HMCN2: variants seen among roughly 807,000 people sequenced by gnomAD.
HMCN2 encodes hemicentin 2.
Under a neutral mutation model 377.5 loss-of-function variants are expected in HMCN2, and 325 were observed. The ratio of observed to expected loss-of-function variants is 0.86; its 90% confidence interval spans 0.79 to 0.94. HMCN2 has a LOEUF of 0.94. HMCN2 is among the 40% of genes least tolerant of loss of function. The pLI is 0.00. For missense variants in HMCN2, 4,543 were observed against 4,725.3 expected (o/e 0.96, Z 1.13); for synonymous variants, 2,007 against 2,046.8 (o/e 0.98, Z 0.53).
intron 1 of HMCN2, among the ~76,000 whole-genome samples, chr9:130,281,196 C>A (rs1013884261): frequency 6.6e-6 from 1 of 151,886 alleles, no homozygotes; most frequent in Non-Finnish European, 1.5e-5. Context: ...TCCCTGAGAG[C>A]AGGAGTTAAG....
chr9:130,429,403 G>A (rs1018642325), intron 93 of HMCN2, 154 bp from the exon 94 acceptor site: 7 of 858,066 alleles, frequency 8.2e-6, no homozygotes, highest in African/African-American at 3.4e-5. Context: ...TATAACTGGG[G>A]GAGGTGCTGT....
chr9:130,378,602 A>T (rs1588348297), intron 53 of HMCN2, among the ~76,000 whole-genome samples: 1 of 148,252 alleles, frequency 6.7e-6, no homozygotes, highest in African/African-American at 2.5e-5. Context: ...GGAGGCGGGG[A>T]GGCAGGGAGG....
chr9:130,381,242 C>T (rs759897540), intron 54 of HMCN2, among the ~76,000 whole-genome samples: 7 of 152,170 alleles, frequency 4.6e-5, no homozygotes, highest in Non-Finnish European at 1.0e-4. Context: ...AGGCTCTTAA[C>T]CTGGTCAAGC....
chr9:130,346,525 A>G (rs913518368), intron 25 of HMCN2, among the ~76,000 whole-genome samples: 2 of 151,518 alleles, frequency 1.3e-5, no homozygotes, highest in African/African-American at 2.4e-5. Flanking sequence ...TGGCTGGCAA[A>G]GTGACTGACC....
rs566652504 is a variant in HMCN2, at chr9:130,350,473, C to T, written c.4430+810C>T. On this transcript the variant is annotated intron_variant, in intron 29 of 97. Coordinates refer to ENST00000683500, the MANE Select transcript of HMCN2 (RefSeq NM_001291815.2). ...TTGGGAGGCTGAGGCAAGAGAATCA[C>T]TTGAACCTAGGAGGTGGAGGTTGCA... 1.8e-3 allele frequency among the ~76,000 whole-genome samples: 267 copies of T among 150,620 alleles called. 1 individual carries two copies. Among genetic ancestry groups the T allele is most frequent in the South Asian group, 5.1e-3 (24 of 4,680 alleles).
Position 130,427,513 on chromosome 9 carries a change from A to G in HMCN2, c.13959A>G (p.Ser4653=), listed in dbSNP as rs558518022. ...GAFCVDRDEC[S]GGPSPCSHAC... ...CTGCCCCAGACAGGGACGAGTGCTC[A>G]GGAGGCCCTAGCCCCTGCTCCCATG... The change falls in exon 92 of 98, where the codon TCA becomes TCG. Residue 4653 remains serine, a synonymous_variant. Transcript: ENST00000683500. 5.7e-5 allele frequency: 88 copies of G among 1,550,460 alleles called. 1 individual carries two copies. In the African/African-American group the frequency reaches 1.1e-3, roughly 20 times the overall value.
chr9:130,356,901 G>T (rs1001672483), intron 34 of HMCN2, among the ~76,000 whole-genome samples: 1 of 152,172 alleles, frequency 6.6e-6, no homozygotes, highest in Non-Finnish European at 1.5e-5. Flanking sequence ...TCAGTGGGTG[G>T]GTGGATGGAT....
At chr9:130,363,883 A>C (rs1438755075) in intron 40 of HMCN2, among the ~76,000 whole-genome samples, 3 of 144,526 alleles carry the variant, frequency 2.1e-5, no homozygotes, top group Admixed American at 7.1e-5. Flanking sequence ...GAAGGAAAGA[A>C]GGAAGGAAGG....
intron 1 of HMCN2, among the ~76,000 whole-genome samples, chr9:130,280,946 A>G (rs1464168177): frequency 4.6e-5 from 7 of 151,992 alleles, no homozygotes; most frequent in African/African-American, 1.7e-4. Context: ...TCTACTAAAA[A>G]TACAAAATTA....
chr9:130,355,347 G>A (rs1839969772), intron 32 of HMCN2, among the ~76,000 whole-genome samples: 1 of 152,184 alleles, frequency 6.6e-6, no homozygotes, highest in Admixed American at 6.5e-5. Flanking sequence ...CCTTTACGGA[G>A]ACTTTCCTAA....
rs1317387618 is a variant in HMCN2, at chr9:130,424,812, C to G, written c.13418C>G (p.Pro4473Arg). Residue 4473 changes from proline (P) to arginine (R), a missense_variant, in exon 88 of 98, where the codon CCC becomes CGC. By Grantham distance (103) the Pro-to-Arg change is moderately radical (BLOSUM62 -2). This residue lies in a region of HMCN2 where 1,155 missense variants were observed against 1,157.7 expected (regional missense o/e 1.00). Coordinates refer to ENST00000683500, the MANE Select transcript of HMCN2 (RefSeq NM_001291815.2). ...CGGGTGCTCGTGGTCACCATCGCCC[C>G]CATCTACTGGGCCCTGGCCAGAGAG... ...LMRVLVVTIAPIYWALARESG... is the reference protein window; with the variant it reads ...LMRVLVVTIARIYWALARESG... 6.5e-7 allele frequency: 1 copy of G among 1,536,920 alleles called. No homozygotes were observed. Among genetic ancestry groups the G allele is most frequent in the Non-Finnish European group, 8.8e-7 (1 of 1,139,062 alleles).
At chr9:130,385,528 C>T (rs1340683194) in intron 59 of HMCN2, 32 bp from the exon 60 acceptor site, 2 of 1,280,610 alleles carry the variant, frequency 1.6e-6, no homozygotes, top group Non-Finnish European at 1.0e-6. Context: ...GGGACAGCTG[C>T]AGCACCTCAC....
intron 60 of HMCN2, 40 bp downstream of exon 60, chr9:130,385,802 A>C (rs1468612264): frequency 7.9e-7 from 1 of 1,271,732 alleles, no homozygotes; most frequent in East Asian, 5.7e-5. Context: ...TGAGCGCTGC[A>C]GGAAAGTCGC....
Position 130,364,738 on chromosome 9 carries a change from A to T in HMCN2, c.6257A>T (p.Glu2086Val). 1.0e-6 allele frequency: 1 copy of T among 985,906 alleles called. No homozygotes were observed. Among genetic ancestry groups the T allele is most frequent in the Non-Finnish European group, 1.2e-6 (1 of 830,040 alleles). The allele number at this position is 985,906 out of a possible 1,614,324, so 61.1% of individuals were successfully genotyped here. ...VHMPPSILGEELNVSVVANES... is the reference protein window; with the variant it reads ...VHMPPSILGEVLNVSVVANES... ...GTGCCCCCGAGTATCCTTGGAGAAGAGCTGAATGTGTCCGTTGTGGCCAAT... is the reference window on the plus strand; with the variant it reads ...GTGCCCCCGAGTATCCTTGGAGAAGTGCTGAATGTGTCCGTTGTGGCCAAT... The change falls in exon 41 of 98, where the codon GAG (glutamate) becomes GTG (valine). Residue 2086 changes from glutamate to valine, a missense_variant. By Grantham distance (121) the Glu-to-Val change is moderately radical. Around this residue, in one of 5 missense-constraint regions of HMCN2, gnomAD observed 1,032 missense variants for 1,285.1 expected, o/e 0.80. Coordinates refer to ENST00000683500, the MANE Select transcript of HMCN2 (RefSeq NM_001291815.2).
intron 66 of HMCN2, among the ~76,000 whole-genome samples, chr9:130,392,711 A>G (rs1172095935): frequency 6.6e-6 from 1 of 151,704 alleles, no homozygotes; most frequent in Non-Finnish European, 1.5e-5. Context: ...TAAAGAGTTT[A>G]AGCAGGCCGG....
intron 86 of HMCN2, among the ~76,000 whole-genome samples, chr9:130,421,395 G>T (rs1243391420): frequency 2.0e-5 from 3 of 152,186 alleles, no homozygotes; most frequent in Non-Finnish European, 4.4e-5. Flanking sequence ...TTCAGGGTTT[G>T]GGAGCTTCTA....
intron 1 of HMCN2, among the ~76,000 whole-genome samples, chr9:130,271,633 C>T (rs1554921162): frequency 1.3e-5 from 2 of 148,672 alleles, no homozygotes; most frequent in African/African-American, 4.9e-5. Context: ...TACTTTTTGG[C>T]ACTGGTAGTG....
In HMCN2 at chr9:130,395,415, G is replaced by A. The variant is rs138371574; in HGVS notation, c.10911+68G>A. Reference sequence around the variant, plus strand: ...CTCAGGCCTCAGACCTGACCTGGCCGGATCCAAGATCCAGAGCGGGTGCCA... The same window carrying A: ...CTCAGGCCTCAGACCTGACCTGGCCAGATCCAAGATCCAGAGCGGGTGCCA... On this transcript the variant is annotated intron_variant, in intron 71 of 97. Transcript: ENST00000683500. The A allele has an allele frequency of 1.5e-4, 185 of 1,204,108 alleles. 1 individual carries two copies. Among genetic ancestry groups the A allele is most frequent in the Middle Eastern group, 1.4e-3 (5 of 3,678 alleles). 74.6% of individuals were successfully genotyped at this position (1,204,108 alleles called of 1,614,324 possible). A position where few individuals can be genotyped will look rare whatever the true frequency, so the allele number is the denominator to read the frequency against.
intron 85 of HMCN2, among the ~76,000 whole-genome samples, chr9:130,412,306 A>G (rs1323597799): frequency 1.3e-5 from 2 of 152,092 alleles, no homozygotes; most frequent in Admixed American, 6.6e-5. Context: ...TGTTTATTTT[A>G]CTAGTGAGTT....
Sources: gnomAD v4.1 joint callset for allele counts (sites outside exome capture counted in the v4.1 genomes callset) on GRCh38, gnomAD v4.1.1 for gene constraint, gnomAD v4.1.1 regional missense constraint, MANE v1.5 for transcripts, NCBI Gene and HGNC (gene_info 2026-07-23, HGNC 2026-07-21) for gene names.